Variants in DPT observed in about 807,000 individuals in gnomAD.
The protein encoded by DPT is dermatopontin, also known as tyrosine-rich acidic matrix protein.
Under a neutral mutation model 31.2 loss-of-function variants are expected in DPT, and 21 were observed. The ratio of observed to expected loss-of-function variants is 0.67; its 90% CI spans 0.48 to 0.97. DPT has a LOEUF of 0.97. Ranked by LOEUF, DPT falls within the 50% of genes least tolerant of loss-of-function variation. The probability of loss-of-function intolerance (pLI) is 0.00; values close to 1 mark genes in which losing one functional copy is unlikely to be tolerated. For synonymous variants in DPT, 91 were observed against 86.9 expected, an observed-to-expected ratio of 1.05 and a Z score of -0.26; for missense variants, 262 against 258.8, an observed-to-expected ratio of 1.01 and a Z score of -0.08.
At chr1:168,713,343 A>G (rs1649907287) in intron 2 of DPT, among the ~76,000 whole-genome samples, 3 of 152,226 alleles carry the variant, frequency 2.0e-5, no homozygotes, top group African/African-American at 4.8e-5. Context: ...TTGTATCCCT[A>G]GAGATACTGT....
Position 168,700,907 on chromosome 1 carries a change from G to GT in DPT, c.539+109_539+110insA, listed in dbSNP as rs60663068. 2,794 of 142,760 alleles carry GT rather than the reference G, an allele frequency of 0.02. 77 individuals carry two copies. In the African/African-American group the frequency reaches 0.36, roughly 18 times the overall value. 8.8% of individuals were successfully genotyped at this position (142,760 alleles called of 1,614,324 possible). ...GTATTCTACGTGTGTGTGTGTGTGT[G>GT]GGTGTGTGTGTGTGTGTGTGTTTAT... On this transcript the variant is annotated intron_variant, in intron 3 of 3. Coordinates refer to ENST00000367817, the MANE Select transcript of DPT (RefSeq NM_001937.5).
chr1:168,712,632 T>C (rs1649893913), intron 2 of DPT, among the ~76,000 whole-genome samples: 1 of 152,146 alleles, frequency 6.6e-6, no homozygotes, highest in African/African-American at 2.4e-5. Flanking sequence ...CCCCTTTCAT[T>C]AGGGCGCACT....
At chr1:168,715,001 T>G (rs150822023) in intron 1 of DPT, among the ~76,000 whole-genome samples, 1 of 151,898 alleles carries the variant, frequency 6.6e-6, no homozygotes, top group Non-Finnish European at 1.5e-5. Flanking sequence ...CATGTTTTTC[T>G]CAGAATTCTA....
At chr1:168,719,371 G>T (rs1024314511) in intron 1 of DPT, among the ~76,000 whole-genome samples, 6 of 152,198 alleles carry the variant, frequency 3.9e-5, no homozygotes, top group Non-Finnish European at 5.9e-5. Context: ...GGCCATAGCT[G>T]CAGGATTACA....
intron 2 of DPT, among the ~76,000 whole-genome samples, chr1:168,703,460 T>C (rs1447752098): frequency 6.6e-6 from 1 of 152,220 alleles, no homozygotes; most frequent in Non-Finnish European, 1.5e-5. Context: ...TCATTTTTGG[T>C]AGTGACCAGA....
At position 168,696,531 on chromosome 1, in the gene DPT, A is replaced by T. The variant is rs1450356278; in HGVS notation, c.*18T>A. The T allele has an allele frequency of 6.2e-7, 1 of 1,612,696 alleles. No individual in the cohort carries two copies. The highest frequency in any genetic ancestry group is 1.3e-5 in the African/African-American group (1 of 74,964). The stretch of plus-strand genomic sequence containing the variant: ...CCCCGGCCCCTTTCCTTTCACCCAG[A>T]TTTGGTATGTGGCAAATCTAAACAT... On this transcript the variant is annotated 3_prime_UTR_variant, in exon 4 of 4. Transcript: ENST00000367817.
intron 1 of DPT, among the ~76,000 whole-genome samples, chr1:168,722,243 G>A (rs6427144): frequency 0.035 from 5,310 of 152,168 alleles, 312 homozygotes; most frequent in African/African-American, 0.12. Flanking sequence ...TGCTATCTCC[G>A]TGTCTATTAA....
At position 168,696,190 on chromosome 1, in the gene DPT, G is replaced by A; in HGVS notation, c.*359C>T. 1 of 430,130 alleles carries A rather than the reference G, an allele frequency of 2.3e-6. No homozygotes were observed. The highest frequency in any genetic ancestry group is 4.1e-6 in the Non-Finnish European group (1 of 245,368). 26.6% of individuals were successfully genotyped at this position (430,130 alleles called of 1,614,324 possible). A position where few individuals can be genotyped will look rare whatever the true frequency, so the allele number is the denominator to read the frequency against. On this transcript the variant is annotated 3_prime_UTR_variant, in exon 4 of 4. Coordinates refer to ENST00000367817, the MANE Select transcript of DPT (RefSeq NM_001937.5). ...CAGTTCTGCCTCTCCCCTCCACTAT[G>A]CTGAACTTGCAGTTCATTCTGCAGT... is the stretch of plus-strand genomic sequence containing the variant.
chr1:168,728,383 C>T (rs201041961), intron 1 of DPT, among the ~76,000 whole-genome samples: 14 of 152,270 alleles, frequency 9.2e-5, no homozygotes, highest in Admixed American at 5.2e-4. Context: ...TCAAACCCTC[C>T]GTGCTGAGAG....
At chr1:168,704,846 T>C (rs1291005780) in intron 2 of DPT, among the ~76,000 whole-genome samples, 1 of 152,206 alleles carries the variant, frequency 6.6e-6, no homozygotes, top group African/African-American at 2.4e-5. Flanking sequence ...AAGATTGATA[T>C]AGGATTTTTC....
At chr1:168,699,906 G>A (rs555911405) in intron 3 of DPT, among the ~76,000 whole-genome samples, 3 of 152,100 alleles carry the variant, frequency 2.0e-5, no homozygotes, top group Non-Finnish European at 4.4e-5. Context: ...TCTTCTTACC[G>A]TTTTGATGTA....
intron 1 of DPT, among the ~76,000 whole-genome samples, chr1:168,718,539 G>A (rs1027439937): frequency 2.6e-5 from 4 of 152,194 alleles, no homozygotes; most frequent in African/African-American, 9.7e-5. Flanking sequence ...CAGGAGTTTG[G>A]TATGTGAAAG....
intron 1 of DPT, among the ~76,000 whole-genome samples, chr1:168,717,220 G>C (rs530698669): frequency 2.6e-5 from 4 of 152,200 alleles, no homozygotes; most frequent in Admixed American, 2.0e-4. Flanking sequence ...GCATCTGTTG[G>C]TTCTTGGCTT....
chr1:168,698,417 C>T (rs1053684166), intron 3 of DPT, among the ~76,000 whole-genome samples: 2 of 152,186 alleles, frequency 1.3e-5, no homozygotes, highest in African/African-American at 4.8e-5. Context: ...GTAATTACTG[C>T]AGCCAGGTCT....
At chr1:168,700,991 C>T in intron 3 of DPT, 26 bp downstream of exon 3, 1 of 1,561,258 alleles carries the variant, frequency 6.4e-7, no homozygotes, top group Non-Finnish European at 8.8e-7. Flanking sequence ...AACCCTAGCC[C>T]ATTGGGAAGG....
chr1:168,724,054 C>G (rs1434648244), intron 1 of DPT, among the ~76,000 whole-genome samples: 1 of 152,176 alleles, frequency 6.6e-6, no homozygotes, highest in African/African-American at 2.4e-5. Context: ...TACTGTGCAG[C>G]ATTTAGCCCT....
chr1:168,699,600 A>T (rs74122748), intron 3 of DPT, among the ~76,000 whole-genome samples: 7,180 of 141,706 alleles, frequency 0.051, 508 homozygotes, highest in African/African-American at 0.17. Context: ...TTTTTTTTTT[A>T]AAAAAAAAAA....
chr1:168,720,436 C>T (rs955511462), intron 1 of DPT, among the ~76,000 whole-genome samples: 19 of 151,604 alleles, frequency 1.3e-4, no homozygotes, highest in East Asian at 5.8e-4. Context: ...TGGTGAACCC[C>T]TCTATACAAT....
intron 1 of DPT, among the ~76,000 whole-genome samples, chr1:168,727,968 G>A (rs940738349): frequency 3.3e-5 from 5 of 151,998 alleles, no homozygotes; most frequent in South Asian, 2.1e-4. Flanking sequence ...TGCCTCCTCC[G>A]TTCTCTCCTC....
Sources: allele counts gnomAD v4.1 joint callset (sites outside exome capture counted in the v4.1 genomes callset), GRCh38; gene constraint gnomAD v4.1.1; transcripts MANE v1.5; gene names NCBI Gene and HGNC (gene_info 2026-07-23, HGNC 2026-07-21).